The following SPAG16 variants were observed in gnomAD, a reference collection of about 807,000 sequenced individuals.
The protein encoded by SPAG16 is sperm-associated antigen 16 protein.
Under a neutral mutation model 80.4 loss-of-function variants are expected in SPAG16, and 86 were observed. The observed-to-expected ratio is 1.07, with a 90% CI of 0.90 to 1.28. The LOEUF is 1.28. Among genes scored for constraint, SPAG16 ranks in the 50% most tolerant of loss-of-function variants. The probability of loss-of-function intolerance (pLI) is 0.00; values close to 1 mark genes in which losing one functional copy is unlikely to be tolerated. For synonymous variants in SPAG16, 294 were observed against 265.9 expected, an observed-to-expected ratio of 1.11 and a Z score of -1.03; for missense variants, 870 against 765.3, an observed-to-expected ratio of 1.14 and a Z score of -1.61.
chr2:213,714,978 A>T (rs1468792954), intron 10 of SPAG16, among the ~76,000 whole-genome samples: 1 of 152,160 alleles, frequency 6.6e-6, no homozygotes. Context: ...CAATGTACTG[A>T]TTGCTTACTT....
chr2:214,392,783 A>G (rs1701166696), intron 15 of SPAG16, among the ~76,000 whole-genome samples: 1 of 152,006 alleles, frequency 6.6e-6, no homozygotes, highest in African/African-American at 2.4e-5. Flanking sequence ...AAATACTTCC[A>G]TAGAAATGTG....
chr2:213,807,982 A>G (rs914076373), intron 10 of SPAG16, among the ~76,000 whole-genome samples: 3 of 152,168 alleles, frequency 2.0e-5, no homozygotes, highest in African/African-American at 4.8e-5. Flanking sequence ...ATTCTGCCCA[A>G]ATGAAAACAA....
chr2:213,974,911 C>T (rs1005068233), intron 12 of SPAG16, among the ~76,000 whole-genome samples: 2 of 133,174 alleles, frequency 1.5e-5, no homozygotes, highest in African/African-American at 5.8e-5. Context: ...CCCTTTTTAA[C>T]AGTTATCAAG....
rs2068724779 is a variant in SPAG16, at chr2:213,407,817, G to C, written c.942+32698G>C. On this transcript the variant is annotated intron_variant, in intron 9 of 15. Coordinates refer to ENST00000331683, the MANE Select transcript of SPAG16 (RefSeq NM_024532.5). ...GAGACAGGAGAGGCAGAGAGAGAGA[G>C]AGGAGAGAGGCAGAGAGAGAGAGAC... 2.2e-5 allele frequency among the ~76,000 whole-genome samples: 3 copies of C among 136,460 alleles called. No homozygotes were observed. In the South Asian group the frequency reaches 7.3e-4, roughly 33 times the overall value. The allele number at this position is 136,460 out of a possible 152,430, so 89.5% of individuals were successfully genotyped here.
chr2:214,026,731 A>G (rs58151001), intron 13 of SPAG16, among the ~76,000 whole-genome samples: 2,900 of 151,670 alleles, frequency 0.019, 92 homozygotes, highest in African/African-American at 0.067. Flanking sequence ...TTATTAATCT[A>G]TAAATTTACT....
At chr2:214,341,979 A>C (rs1255915297) in intron 15 of SPAG16, among the ~76,000 whole-genome samples, 1 of 152,124 alleles carries the variant, frequency 6.6e-6, no homozygotes, top group Non-Finnish European at 1.5e-5. Context: ...GATAAAACTG[A>C]CTAAAAGTTC....
intron 10 of SPAG16, among the ~76,000 whole-genome samples, chr2:213,860,730 C>T (rs1167685256): frequency 6.6e-6 from 1 of 151,966 alleles, no homozygotes; most frequent in African/African-American, 2.4e-5. Flanking sequence ...CAAATAATTC[C>T]TCTCACAAAA....
At chr2:213,481,630 C>A (rs562716820) in intron 9 of SPAG16, among the ~76,000 whole-genome samples, 1 of 152,306 alleles carries the variant, frequency 6.6e-6, no homozygotes, top group South Asian at 2.1e-4. Flanking sequence ...ATTATGGGGG[C>A]AACCAGTATG....
At chr2:214,203,411 T>C (rs1164672055) in intron 15 of SPAG16, among the ~76,000 whole-genome samples, 1 of 152,062 alleles carries the variant, frequency 6.6e-6, no homozygotes, top group Non-Finnish European at 1.5e-5. Context: ...CACAGGAACA[T>C]ACCAGAAAGC....
At chr2:213,524,262 A>G (rs2075795507) in intron 10 of SPAG16, among the ~76,000 whole-genome samples, 1 of 152,230 alleles carries the variant, frequency 6.6e-6, no homozygotes, top group South Asian at 2.1e-4. Context: ...GAAGACAAAA[A>G]TTGAGGTTTG....
chr2:214,275,586 C>T (rs964215424), intron 15 of SPAG16, among the ~76,000 whole-genome samples: 2 of 152,110 alleles, frequency 1.3e-5, no homozygotes, highest in Non-Finnish European at 2.9e-5. Flanking sequence ...GTTCAGTTTC[C>T]ATGTAGTTGT....
Position 213,938,126 on chromosome 2 carries a change from A to G in SPAG16, c.1400+7981A>G, listed in dbSNP as rs141850302. Among the ~76,000 whole-genome samples the G allele has an allele frequency of 1.2e-4, 18 of 152,046 alleles. No individual in the cohort carries two copies. The East Asian group carries it at 3.5e-3, about 29-fold the overall frequency. On this transcript the variant is annotated intron_variant, in intron 12 of 15. Transcript: ENST00000331683. The stretch of plus-strand genomic sequence containing the variant: ...GCGAATATATATATATATATTTTAT[A>G]ACATGATACATTTCTGCTTTATTAC...
intron 9 of SPAG16, among the ~76,000 whole-genome samples, chr2:213,458,176 A>C (rs556851637): frequency 5.9e-5 from 9 of 152,112 alleles, no homozygotes; most frequent in Admixed American, 1.3e-4. Context: ...TTTCTTTTAG[A>C]TATACTCACA....
At chr2:213,911,511 A>G (rs773552363) in intron 11 of SPAG16, among the ~76,000 whole-genome samples, 5 of 152,242 alleles carry the variant, frequency 3.3e-5, no homozygotes, top group Admixed American at 3.3e-4. Flanking sequence ...ATGCACATGA[A>G]GAGCATGTAA....
intron 15 of SPAG16, among the ~76,000 whole-genome samples, chr2:214,183,321 A>T (rs539368917): frequency 2.5e-4 from 38 of 152,076 alleles, no homozygotes; most frequent in African/African-American, 8.9e-4. Context: ...GACAAAGAGG[A>T]GAATTACTGG....
chr2:214,114,730 G>T (rs577853585), intron 14 of SPAG16, among the ~76,000 whole-genome samples: 1 of 152,320 alleles, frequency 6.6e-6, no homozygotes, highest in East Asian at 1.9e-4. Context: ...CCTTGGCTAG[G>T]AAAGGGAAAT....
intron 3 of SPAG16, among the ~76,000 whole-genome samples, chr2:213,304,382 G>A (rs971923899): frequency 3.3e-5 from 5 of 152,002 alleles, no homozygotes; most frequent in African/African-American, 1.2e-4. Context: ...TAACTGATGT[G>A]ATCCCATTTG....
In SPAG16 at chr2:213,364,121, A is replaced by C. The variant is rs755965099; in HGVS notation, c.808A>C (p.Ser270Arg). Reference sequence around the variant, plus strand: ...ATTGAAGAAACTGCAAAGAGGACATAGTTACCATGGTCCTCAAATTAAAGG... The same window carrying C: ...ATTGAAGAAACTGCAAAGAGGACATCGTTACCATGGTCCTCAAATTAAAGG... ...ETLKKLQRGHSYHGPQIKVDH... is the reference protein window; with the variant it reads ...ETLKKLQRGHRYHGPQIKVDH... The change falls in exon 8 of 16, where the codon AGT becomes CGT. Residue 270 changes from serine to arginine, a missense_variant. Physicochemically the swap from Ser to Arg is moderately radical, Grantham distance 110. Transcript: ENST00000331683. 3 of 1,525,978 alleles carry C rather than the reference A, an allele frequency of 2.0e-6. No homozygotes were observed. In the East Asian group the frequency reaches 7.2e-5, roughly 37 times the overall value. 94.5% of individuals were successfully genotyped at this position (1,525,978 alleles called of 1,614,324 possible). A position where few individuals can be genotyped will look rare whatever the true frequency, so the allele number is the denominator to read the frequency against.
chr2:213,883,714 T>G (rs141277057), intron 11 of SPAG16, among the ~76,000 whole-genome samples: 141 of 152,342 alleles, frequency 9.3e-4, no homozygotes, highest in African/African-American at 3.2e-3. Context: ...GCATATATAT[T>G]TGGGGTAGGC....
Sources: gnomAD v4.1 joint callset for allele counts (sites outside exome capture counted in the v4.1 genomes callset) on GRCh38, gnomAD v4.1.1 for gene constraint, MANE v1.5 for transcripts, NCBI Gene and HGNC (gene_info 2026-07-23, HGNC 2026-07-21) for gene names.